STRN: variants seen among roughly 807,000 people sequenced by gnomAD.
The protein encoded by STRN is striatin, also known as protein phosphatase 2 regulatory subunit B'''alpha.
Under a neutral mutation model 96.3 loss-of-function variants are expected in STRN, and 53 were observed. The ratio of observed to expected loss-of-function variants is 0.55; its 90% CI spans 0.44 to 0.69. The LOEUF is 0.69. Ranked by LOEUF, STRN falls within the 30% of genes least tolerant of loss-of-function variation. The probability of loss-of-function intolerance (pLI) is 0.00; values close to 1 mark genes in which losing one functional copy is unlikely to be tolerated. For missense variants in STRN, 987 were observed against 963.9 expected (o/e 1.02, Z -0.32); for synonymous variants, 428 against 355.9 (o/e 1.20, Z -2.28).
At chr2:36,861,038 T>G in intron 13 of STRN, 94 bp downstream of exon 13, 1 of 1,453,218 alleles carries the variant, frequency 6.9e-7, no homozygotes. Context: ...CTATTTATTT[T>G]CAAAAATCTC....
intron 11 of STRN, among the ~76,000 whole-genome samples, chr2:36,868,769 T>A (rs1409655786): frequency 6.6e-6 from 1 of 152,080 alleles, no homozygotes; most frequent in East Asian, 1.9e-4. Context: ...CCTCCATTGG[T>A]AGTAAAATTT....
chr2:36,865,940 G>A (rs1668611304), intron 12 of STRN, among the ~76,000 whole-genome samples: 1 of 152,150 alleles, frequency 6.6e-6, no homozygotes, highest in African/African-American at 2.4e-5. Flanking sequence ...CTGGTATGTT[G>A]TAGCTTTGGT....
intron 7 of STRN, among the ~76,000 whole-genome samples, chr2:36,889,090 CCTT>C (rs1267373633): frequency 6.6e-6 from 1 of 152,148 alleles, no homozygotes; most frequent in Non-Finnish European, 1.5e-5. Flanking sequence ...GCATTTATCA[CCTT>C]CTGACATACT....
At chr2:36,873,890 C>T (rs1001776225) in intron 10 of STRN, among the ~76,000 whole-genome samples, 1 of 150,720 alleles carries the variant, frequency 6.6e-6, no homozygotes, top group African/African-American at 2.4e-5. Context: ...TTGCAGTGAG[C>T]CGAGATTACG....
At chr2:36,946,875 C>A (rs1670998779) in intron 1 of STRN, among the ~76,000 whole-genome samples, 1 of 151,868 alleles carries the variant, frequency 6.6e-6, no homozygotes, top group Admixed American at 6.6e-5. Flanking sequence ...TTCCTTATTT[C>A]ACATTATACC....
intron 1 of STRN, among the ~76,000 whole-genome samples, chr2:36,942,525 A>G (rs1670871058): frequency 6.6e-6 from 1 of 152,190 alleles, no homozygotes; most frequent in Non-Finnish European, 1.5e-5. Context: ...ATAGAATTTT[A>G]ATGCTTTTTA....
At position 36,965,328 on chromosome 2, in the gene STRN, A is replaced by C. The variant is rs543807940; in HGVS notation, c.234+902T>G. Among the ~76,000 whole-genome samples, 6 of 152,226 alleles carry C rather than the reference A, an allele frequency of 3.9e-5. No homozygotes were observed. In the South Asian group the frequency reaches 1.2e-3, roughly 32 times the overall value. ...GAAGTTTTAAGAACAACCACTGAAA[A>C]CCTATTCACCAATTCTGAATGGCTT... On this transcript the variant is annotated intron_variant, in intron 1 of 17. Transcript: ENST00000263918.
intron 9 of STRN, 59 bp downstream of exon 9, chr2:36,883,873 T>C: frequency 7.7e-7 from 1 of 1,304,730 alleles, no homozygotes; most frequent in Admixed American, 3.1e-5. Context: ...TTCTAATGAA[T>C]GAATTTAAAG....
At chr2:36,911,020 T>C (rs1669952286) in intron 3 of STRN, among the ~76,000 whole-genome samples, 1 of 152,084 alleles carries the variant, frequency 6.6e-6, no homozygotes, top group Non-Finnish European at 1.5e-5. Flanking sequence ...ATATGGTAAA[T>C]AGATAAAAGA....
intron 7 of STRN, among the ~76,000 whole-genome samples, chr2:36,893,443 A>AT (rs11425867): frequency 0.87 from 131,731 of 152,170 alleles, 58,565 homozygotes; most frequent in Non-Finnish European, 0.96. Flanking sequence ...TTTTTAGAAC[A>AT]TTTTGAGAAG....
chr2:36,883,578 T>C (rs557789887), intron 9 of STRN, among the ~76,000 whole-genome samples: 5 of 152,336 alleles, frequency 3.3e-5, no homozygotes, highest in East Asian at 3.9e-4. Context: ...CATTAATAAA[T>C]TGCTTAAATA....
At chr2:36,961,667 C>A (rs957140527) in intron 1 of STRN, among the ~76,000 whole-genome samples, 1 of 152,188 alleles carries the variant, frequency 6.6e-6, no homozygotes, top group South Asian at 2.1e-4. Context: ...CCCTCCAAGT[C>A]TGTTCTGAAT....
intron 5 of STRN, among the ~76,000 whole-genome samples, 196 bp from the exon 6 acceptor site, chr2:36,899,854 T>C (rs570559364): frequency 6.6e-6 from 1 of 152,258 alleles, no homozygotes; most frequent in African/African-American, 2.4e-5. Flanking sequence ...TTTAAGTACT[T>C]TGTAATCCTA....
chr2:36,901,480 AG>A (rs2148198628), intron 5 of STRN, among the ~76,000 whole-genome samples: 1 of 150,290 alleles, frequency 6.7e-6, no homozygotes, highest in Admixed American at 6.7e-5. Context: ...TGAACCCAGG[AG>A]GCAGAGTTTG....
intron 1 of STRN, among the ~76,000 whole-genome samples, chr2:36,951,932 C>T (rs1664763146): frequency 6.6e-6 from 1 of 152,184 alleles, no homozygotes; most frequent in Admixed American, 6.5e-5. Context: ...CGCTGATTCT[C>T]ATAGGAGCAC....
Position 36,851,201 on chromosome 2 carries a change from T to C in STRN, c.1979-94A>G, listed in dbSNP as rs148579122. 249 of 1,156,662 alleles carry C rather than the reference T, an allele frequency of 2.2e-4. 1 individual carries two copies. In the African/African-American group the frequency reaches 3.1e-3, roughly 14 times the overall value. 71.6% of individuals were successfully genotyped at this position (1,156,662 alleles called of 1,614,324 possible). ...TTATCTATCTAAGAGACTGAAAAAG[T>C]AGGCCGGCCGCGGTGGCTCACGCCT... is the stretch of plus-strand genomic sequence containing the variant. On this transcript the variant is annotated intron_variant, in intron 15 of 17. Coordinates refer to ENST00000263918, the MANE Select transcript of STRN (RefSeq NM_003162.4).
intron 5 of STRN, among the ~76,000 whole-genome samples, chr2:36,901,083 G>T (rs1176665778): frequency 1.3e-5 from 2 of 151,034 alleles, no homozygotes; most frequent in Non-Finnish European, 1.5e-5. Flanking sequence ...TCTACTTACA[G>T]CTTTGTGTTT....
chr2:36,904,783 GTGCCACTGGAC>G (rs1409680705), intron 4 of STRN, among the ~76,000 whole-genome samples: 1 of 152,156 alleles, frequency 6.6e-6, no homozygotes, highest in African/African-American at 2.4e-5. Flanking sequence ...AGCCAAGATT[GTGCCACTGGAC>G]TCCAGCCTGA....
intron 5 of STRN, 126 bp downstream of exon 5, chr2:36,902,458 A>T: frequency 1.7e-6 from 1 of 600,546 alleles, no homozygotes; most frequent in Non-Finnish European, 2.4e-6. Context: ...ATAAAATGTT[A>T]GAATTTTTAT....
Sources: allele counts gnomAD v4.1 joint callset (sites outside exome capture counted in the v4.1 genomes callset), GRCh38; gene constraint gnomAD v4.1.1; transcripts MANE v1.5; gene names NCBI Gene and HGNC (gene_info 2026-07-23, HGNC 2026-07-21).